Variants in SLC8A1 observed in about 807,000 individuals in gnomAD.
SLC8A1 encodes solute carrier family 8 member A1, also known as sodium/calcium exchanger 1.
Under a neutral mutation model 68.3 loss-of-function variants are expected in SLC8A1, and 18 were observed. The observed-to-expected ratio is 0.26, with a 90% confidence interval of 0.18 to 0.39. SLC8A1 has a LOEUF of 0.39. Among genes scored for constraint, SLC8A1 ranks in the 10% least tolerant of loss-of-function variants. The pLI is 1.00. For missense variants in SLC8A1, 985 were observed against 1,156.7 expected (o/e 0.85, Z 2.15); for synonymous variants, 475 against 415.5 (o/e 1.14, Z -1.74).
At chr2:40,439,048 C>G (rs966902960) in intron 1 of SLC8A1, among the ~76,000 whole-genome samples, 1 of 151,992 alleles carries the variant, frequency 6.6e-6, no homozygotes, top group Non-Finnish European at 1.5e-5. Flanking sequence ...GACTGGGTCT[C>G]CAGGCAGGAT....
intron 1 of SLC8A1, 110 bp from the exon 2 acceptor site, chr2:40,430,414 T>C: frequency 8.3e-7 from 1 of 1,204,332 alleles, no homozygotes; most frequent in East Asian, 2.6e-5. Context: ...AATTTGTTTA[T>C]ATTTGACCAT....
chr2:40,298,814 G>C (rs1351941950), intron 2 of SLC8A1, among the ~76,000 whole-genome samples: 3 of 152,164 alleles, frequency 2.0e-5, no homozygotes, highest in Non-Finnish European at 4.4e-5. Flanking sequence ...AAATAAAATA[G>C]ATGTTCCTTG....
chr2:40,146,551 T>C (rs933432943), intron 6 of SLC8A1, among the ~76,000 whole-genome samples: 1 of 152,136 alleles, frequency 6.6e-6, no homozygotes, highest in African/African-American at 2.4e-5. Context: ...TTTCTATTAT[T>C]GTTATGTACT....
At chr2:40,222,569 T>G (rs906484042) in intron 2 of SLC8A1, among the ~76,000 whole-genome samples, 5 of 151,802 alleles carry the variant, frequency 3.3e-5, no homozygotes, top group Non-Finnish European at 7.4e-5. Flanking sequence ...CAAAAGAAAC[T>G]ATCAGAGTGA....
chr2:40,132,885 T>A (rs1426237852), intron 7 of SLC8A1, among the ~76,000 whole-genome samples: 1 of 152,244 alleles, frequency 6.6e-6, no homozygotes, highest in African/African-American at 2.4e-5. Flanking sequence ...TGGTAAATTT[T>A]AAAAATGTTC....
intron 2 of SLC8A1, chr2:40,250,647 T>A (rs891390910): frequency 3.2e-4 from 49 of 152,188 alleles, no homozygotes; most frequent in African/African-American, 1.2e-3. Context: ...CATATTGTAG[T>A]GATCTGCTAC....
intron 2 of SLC8A1, among the ~76,000 whole-genome samples, chr2:40,342,270 T>C (rs1240325890): frequency 6.6e-6 from 1 of 152,158 alleles, no homozygotes; most frequent in Admixed American, 6.5e-5. Flanking sequence ...TATATATACT[T>C]AGCTCTGCAA....
At chr2:40,436,081 C>T (rs1463369660) in intron 1 of SLC8A1, among the ~76,000 whole-genome samples, 2 of 151,802 alleles carry the variant, frequency 1.3e-5, no homozygotes, top group Non-Finnish European at 2.9e-5. Context: ...GCTCTTATTA[C>T]TTCTTACATG....
intron 1 of SLC8A1, among the ~76,000 whole-genome samples, chr2:40,463,853 C>CACACACAT (rs1703489655): frequency 7.9e-6 from 1 of 126,872 alleles, no homozygotes; most frequent in African/African-American, 3.4e-5. Context: ...CACACACACA[C>CACACACAT]ACACACACAC....
At chr2:40,503,433 A>G (rs962803171) in intron 1 of SLC8A1, among the ~76,000 whole-genome samples, 2 of 152,022 alleles carry the variant, frequency 1.3e-5, no homozygotes, top group African/African-American at 2.4e-5. Context: ...TTTTTATTCA[A>G]CATAGTGCTA....
At chr2:40,132,994 A>G (rs574282794) in intron 7 of SLC8A1, among the ~76,000 whole-genome samples, 2 of 152,224 alleles carry the variant, frequency 1.3e-5, no homozygotes, top group South Asian at 4.1e-4. Flanking sequence ...AATAATGATA[A>G]TAGTTTCCTG....
intron 2 of SLC8A1, among the ~76,000 whole-genome samples, chr2:40,287,263 A>G (rs987884854): frequency 2.0e-5 from 3 of 152,218 alleles, no homozygotes; most frequent in Non-Finnish European, 4.4e-5. Flanking sequence ...TAATTAGAGA[A>G]CAATACAAGC....
chr2:40,376,336 G>A (rs1401482149), intron 2 of SLC8A1, among the ~76,000 whole-genome samples: 1 of 152,020 alleles, frequency 6.6e-6, no homozygotes, highest in Non-Finnish European at 1.5e-5. Context: ...GGTCACCTGG[G>A]ATTAGAGATA....
chr2:40,467,117 C>T (rs888978030), intron 1 of SLC8A1, among the ~76,000 whole-genome samples: 4 of 152,030 alleles, frequency 2.6e-5, no homozygotes, highest in African/African-American at 9.7e-5. Context: ...GAGAGGATCC[C>T]CAAGGCTGGC....
rs192498127 is a variant in SLC8A1 at position 40,415,202 on chromosome 2, T to A, written c.1808+13271A>T. ...GATAAGGTAAGACAAGGTCAGGAAGTCTCAGGGCTGGAGAGGTGGTGATGT... is the reference window on the plus strand; with the variant it reads ...GATAAGGTAAGACAAGGTCAGGAAGACTCAGGGCTGGAGAGGTGGTGATGT... On this transcript the variant is annotated intron_variant, in intron 2 of 7. Coordinates refer to ENST00000406785, the Ensembl canonical transcript of SLC8A1. Among the ~76,000 whole-genome samples, 422 of 152,242 alleles carry A rather than the reference T, an allele frequency of 2.8e-3. 1 individual carries two copies. The highest frequency in any genetic ancestry group is 9.7e-3 in the African/African-American group (405 of 41,562).
At chr2:40,498,568 A>G (rs1285927278) in intron 1 of SLC8A1, among the ~76,000 whole-genome samples, 1 of 152,058 alleles carries the variant, frequency 6.6e-6, no homozygotes, top group African/African-American at 2.4e-5. Flanking sequence ...AACTACATAA[A>G]ATTACTTAAG....
chr2:40,215,252 A>C (rs1279179716), intron 2 of SLC8A1, among the ~76,000 whole-genome samples: 1 of 152,036 alleles, frequency 6.6e-6, no homozygotes, highest in African/African-American at 2.4e-5. Flanking sequence ...TGCAACCTTG[A>C]ACTCCTGGAC....
chr2:40,322,422 C>T (rs575637616), intron 2 of SLC8A1, among the ~76,000 whole-genome samples: 1 of 149,654 alleles, frequency 6.7e-6, no homozygotes, highest in Non-Finnish European at 1.5e-5. Flanking sequence ...CTTTGGGAGG[C>T]CATGGTAGGA....
chr2:40,179,555 C>T (rs2049065330), intron 2 of SLC8A1, among the ~76,000 whole-genome samples: 1 of 152,136 alleles, frequency 6.6e-6, no homozygotes, highest in South Asian at 2.1e-4. Flanking sequence ...GCCTCTTAAA[C>T]CCTGATTTGT....
Sources: gnomAD v4.1 joint callset for allele counts (sites outside exome capture counted in the v4.1 genomes callset) on GRCh38, gnomAD v4.1.1 for gene constraint, MANE v1.5 for transcripts, NCBI Gene and HGNC (gene_info 2026-07-23, HGNC 2026-07-21) for gene names.